Variants in RAB31 observed in about 807,000 individuals in gnomAD.
RAB31 encodes ras-related protein Rab-31.
In RAB31, 21 loss-of-function variants were observed where a neutral mutation model predicts 25.6. That is an observed-to-expected ratio of 0.82 (90% CI 0.58 to 1.18). RAB31 has a LOEUF of 1.18. Ranked by LOEUF, RAB31 falls within the 50% of genes most tolerant of loss-of-function variation. The pLI is 0.00. For synonymous variants in RAB31, 87 were observed against 84.0 expected, an observed-to-expected ratio of 1.04 and a Z score of -0.20; for missense variants, 196 against 250.1, an observed-to-expected ratio of 0.78 and a Z score of 1.46.
At chr18:9,841,105 T>A (rs1352341481) in intron 5 of RAB31, among the ~76,000 whole-genome samples, 2 of 152,084 alleles carry the variant, frequency 1.3e-5, no homozygotes, top group East Asian at 3.9e-4. Flanking sequence ...TAATTTTTCC[T>A]ATTTTTTGTA....
intron 1 of RAB31, among the ~76,000 whole-genome samples, chr18:9,746,298 A>C (rs1406576068): frequency 6.6e-6 from 1 of 152,196 alleles, no homozygotes; most frequent in East Asian, 1.9e-4. Context: ...ATAAATCCCT[A>C]TTCATGGATT....
At chr18:9,794,835 A>G (rs948890531) in intron 3 of RAB31, among the ~76,000 whole-genome samples, 5 of 152,086 alleles carry the variant, frequency 3.3e-5, no homozygotes, top group African/African-American at 1.2e-4. Flanking sequence ...AAAACAAAAA[A>G]ACAAAAAACA....
intron 1 of RAB31, among the ~76,000 whole-genome samples, chr18:9,746,953 A>G (rs533843090): frequency 1.3e-5 from 2 of 152,254 alleles, no homozygotes; most frequent in African/African-American, 2.4e-5. Context: ...GCATCAAAGG[A>G]CAGTATTAAG....
intron 5 of RAB31, among the ~76,000 whole-genome samples, chr18:9,836,057 C>G (rs1040350026): frequency 6.6e-6 from 1 of 151,950 alleles, no homozygotes. Flanking sequence ...GCTGCAATAC[C>G]TTAAACATGT....
At chr18:9,827,040 T>G (rs182685454) in intron 5 of RAB31, among the ~76,000 whole-genome samples, 30 of 152,216 alleles carry the variant, frequency 2.0e-4, no homozygotes, top group African/African-American at 6.7e-4. Context: ...GTTCTAGTTC[T>G]ACATTTCTTC....
At chr18:9,787,052 A>C (rs1437740372) in intron 2 of RAB31, 1 of 200,984 alleles carries the variant, frequency 5.0e-6, no homozygotes. Context: ...TTAAGCTTTC[A>C]GTCATATCTG....
intron 5 of RAB31, among the ~76,000 whole-genome samples, chr18:9,819,566 A>G (rs758330759): frequency 6.6e-6 from 1 of 152,132 alleles, no homozygotes; most frequent in Non-Finnish European, 1.5e-5. Context: ...ACATTTTCAT[A>G]TGAATTTTAG....
intron 5 of RAB31, among the ~76,000 whole-genome samples, chr18:9,837,932 C>G (rs2068713501): frequency 2.0e-5 from 3 of 152,148 alleles, no homozygotes; most frequent in Non-Finnish European, 4.4e-5. Context: ...AGTTGGATAA[C>G]ACTACAAAGG....
chr18:9,771,389 T>C (rs1362000967), intron 1 of RAB31, among the ~76,000 whole-genome samples: 2 of 152,150 alleles, frequency 1.3e-5, no homozygotes, highest in Non-Finnish European at 2.9e-5. Context: ...TGGAATAATA[T>C]ATACATAGAT....
At chr18:9,758,567 C>T (rs553094104) in intron 1 of RAB31, among the ~76,000 whole-genome samples, 9 of 152,110 alleles carry the variant, frequency 5.9e-5, no homozygotes, top group South Asian at 2.1e-4. Context: ...TTGTCAGATG[C>T]GGGCAGGTGT....
intron 1 of RAB31, among the ~76,000 whole-genome samples, chr18:9,748,263 G>A (rs1040666155): frequency 2.0e-5 from 3 of 152,170 alleles, no homozygotes; most frequent in Non-Finnish European, 4.4e-5. Context: ...TTGGGAGGCC[G>A]AAGCAGGAGG....
At chr18:9,829,758 T>C (rs772255307) in intron 5 of RAB31, among the ~76,000 whole-genome samples, 3 of 152,218 alleles carry the variant, frequency 2.0e-5, no homozygotes, top group Non-Finnish European at 4.4e-5. Context: ...ATTTTCCTAA[T>C]TACCTATAAA....
chr18:9,768,958 T>C (rs2068330454), intron 1 of RAB31, among the ~76,000 whole-genome samples: 1 of 152,208 alleles, frequency 6.6e-6, no homozygotes, highest in African/African-American at 2.4e-5. Context: ...GGGAATCCTT[T>C]CCCCATTGCT....
chr18:9,797,982 G>T (rs936360982), intron 3 of RAB31, among the ~76,000 whole-genome samples: 2 of 152,174 alleles, frequency 1.3e-5, no homozygotes, highest in African/African-American at 4.8e-5. Flanking sequence ...GTTTTCAGAT[G>T]ACCATATTTC....
intron 3 of RAB31, among the ~76,000 whole-genome samples, chr18:9,796,297 G>A (rs1378393973): frequency 6.6e-6 from 1 of 151,744 alleles, no homozygotes; most frequent in African/African-American, 2.4e-5. Context: ...TTGGGTGATG[G>A]GTGCACCAAA....
At chr18:9,765,714 A>T (rs10502392) in intron 1 of RAB31, among the ~76,000 whole-genome samples, 16,053 of 152,116 alleles carry the variant, frequency 0.11, 1,488 homozygotes, top group African/African-American at 0.24. Flanking sequence ...AGTACTTCCG[A>T]TCTCTTTGAC....
chr18:9,782,075 C>T (rs545663286), intron 2 of RAB31, among the ~76,000 whole-genome samples: 5 of 152,326 alleles, frequency 3.3e-5, no homozygotes, highest in Admixed American at 1.3e-4. Context: ...GGGAGCCAGC[C>T]GGTGCCACTC....
chr18:9,789,514 G>A (rs1239955528), intron 2 of RAB31, among the ~76,000 whole-genome samples: 1 of 152,092 alleles, frequency 6.6e-6, no homozygotes, highest in East Asian at 1.9e-4. Context: ...CATAATTATT[G>A]TGTACCGGCT....
At chr18:9,803,369 G>A (rs1197464236) in intron 3 of RAB31, among the ~76,000 whole-genome samples, 3 of 151,834 alleles carry the variant, frequency 2.0e-5, no homozygotes, top group Non-Finnish European at 4.4e-5. Flanking sequence ...CCGAGTAGCT[G>A]GGACTATAGG....
Sources: allele counts gnomAD v4.1 joint callset (sites outside exome capture counted in the v4.1 genomes callset), GRCh38; gene constraint gnomAD v4.1.1; transcripts MANE v1.5; gene names NCBI Gene and HGNC (gene_info 2026-07-23, HGNC 2026-07-21).